CCSER1: variants seen among roughly 807,000 people sequenced by gnomAD.
CCSER1 encodes the protein serine-rich coiled-coil domain-containing protein 1.
In CCSER1, 41 loss-of-function variants were observed where a neutral mutation model predicts 82.0. The observed-to-expected ratio is 0.50, with a 90% confidence interval of 0.39 to 0.65. The LOEUF is 0.65. CCSER1 is among the 30% of genes least tolerant of loss of function. CCSER1 has a pLI of 0.00. For synonymous variants in CCSER1, 414 were observed against 383.9 expected (o/e 1.08, Z -0.92); for missense variants, 1,119 against 1,064.2 (o/e 1.05, Z -0.72).
intron 3 of CCSER1, among the ~76,000 whole-genome samples, chr4:90,327,196 A>G (rs1046520055): frequency 6.6e-6 from 1 of 152,188 alleles, no homozygotes; most frequent in Non-Finnish European, 1.5e-5. Flanking sequence ...TCAGGCAGCA[A>G]GTGGAAACTT....
chr4:90,491,293 G>A (rs967389098), intron 5 of CCSER1, among the ~76,000 whole-genome samples: 1 of 152,124 alleles, frequency 6.6e-6, no homozygotes, highest in African/African-American at 2.4e-5. Flanking sequence ...GTGAATGGGA[G>A]TTCACTCATG....
chr4:90,853,543 TG>T (rs1275282309), intron 8 of CCSER1, among the ~76,000 whole-genome samples: 13 of 152,306 alleles, frequency 8.5e-5, no homozygotes, highest in Middle Eastern at 3.4e-3. Context: ...TGGGTCATCT[TG>T]TGTTTTCTCT....
At position 91,025,624 on chromosome 4, in the gene CCSER1, T is replaced by C. The variant is rs1252489930; in HGVS notation, c.2173-60326T>C. Among the ~76,000 whole-genome samples, 6 of 152,230 alleles carry C rather than the reference T, an allele frequency of 3.9e-5. No individual in the cohort carries two copies. The East Asian group carries it at 1.2e-3, about 29-fold the overall frequency. On this transcript the variant is annotated intron_variant, in intron 9 of 10. Transcript: ENST00000509176. Reference sequence around the variant, plus strand: ...GCAAAGCTGAACCCCCTGAAACTTCTCTAATCAGTAAGAACTAGAACACTG... The same window carrying C: ...GCAAAGCTGAACCCCCTGAAACTTCCCTAATCAGTAAGAACTAGAACACTG...
chr4:90,762,740 G>A (rs913105168), intron 7 of CCSER1, among the ~76,000 whole-genome samples: 1 of 152,150 alleles, frequency 6.6e-6, no homozygotes, highest in African/African-American at 2.4e-5. Context: ...GTAGTGGGCT[G>A]AAAATGGTTC....
At chr4:90,529,753 T>A (rs1483188662) in intron 5 of CCSER1, among the ~76,000 whole-genome samples, 1 of 152,026 alleles carries the variant, frequency 6.6e-6, no homozygotes, top group African/African-American at 2.4e-5. Context: ...AAATTTTCAT[T>A]ACTTTTCAGC....
At chr4:90,567,344 G>A (rs1400669434) in intron 5 of CCSER1, among the ~76,000 whole-genome samples, 3 of 149,328 alleles carry the variant, frequency 2.0e-5, no homozygotes, top group African/African-American at 7.4e-5. Context: ...AGGCTGGAGC[G>A]CAGTGGCGCC....
At chr4:91,378,919 T>A (rs1320754738) in intron 10 of CCSER1, among the ~76,000 whole-genome samples, 1 of 152,270 alleles carries the variant, frequency 6.6e-6, no homozygotes, top group East Asian at 1.9e-4. Context: ...TTTTGAGATA[T>A]GTCCCATCAA....
rs117367412 is a variant in CCSER1 at position 91,385,526 on chromosome 4, A to G, written c.2218-213046A>G. 3.3e-5 allele frequency among the ~76,000 whole-genome samples: 5 copies of G among 152,110 alleles called. No individual in the cohort carries two copies. In the East Asian group the frequency reaches 9.6e-4, roughly 29 times the overall value. ...CTTTTAGATGGAGGTTAATGTTTAT[A>G]TATTTAAAAAATTTAAAGAGATAGG... On this transcript the variant is annotated intron_variant, in intron 10 of 10. Coordinates refer to ENST00000509176, the MANE Select transcript of CCSER1 (RefSeq NM_001145065.2).
At position 90,608,962 on chromosome 4, in the gene CCSER1, A is replaced by G. The variant is rs114705121; in HGVS notation, c.1725-19063A>G. On this transcript the variant is annotated intron_variant, in intron 5 of 10. Transcript: ENST00000509176. The stretch of plus-strand genomic sequence containing the variant: ...TTATGATTTTGTTGATTTTTTCTCT[A>G]TGGGATTCTCTCCCCATTTCAGCTC... 8.5e-3 allele frequency among the ~76,000 whole-genome samples: 1,290 copies of G among 152,044 alleles called. 21 individuals are homozygous for G. The highest frequency in any genetic ancestry group is 0.03 in the African/African-American group (1,232 of 41,490).
In CCSER1 at chr4:91,269,609, C is replaced by T. The variant is rs967982780; in HGVS notation, c.2217+183615C>T. 3.3e-5 allele frequency among the ~76,000 whole-genome samples: 5 copies of T among 152,122 alleles called. No homozygotes were observed. In the South Asian group the frequency reaches 1.0e-3, roughly 32 times the overall value. On this transcript the variant is annotated intron_variant, in intron 10 of 10. Transcript: ENST00000509176. ...ATTATATTAACTAAATCCTACATTT[C>T]CACATGTATATACCATGATGGGACC... is the stretch of plus-strand genomic sequence containing the variant.
At chr4:90,937,968 T>A (rs1731160514) in intron 9 of CCSER1, among the ~76,000 whole-genome samples, 1 of 152,186 alleles carries the variant, frequency 6.6e-6, no homozygotes, top group Non-Finnish European at 1.5e-5. Context: ...TGGCTCATCC[T>A]TTCATATATT....
At chr4:90,235,032 T>C (rs1745509843) in intron 1 of CCSER1, 2 of 152,192 alleles carry the variant, frequency 1.3e-5, no homozygotes, top group Non-Finnish European at 2.9e-5. Flanking sequence ...GCCATCTCTG[T>C]TACCATCGAG....
At chr4:90,631,361 A>G (rs1724388303) in intron 6 of CCSER1, among the ~76,000 whole-genome samples, 1 of 152,166 alleles carries the variant, frequency 6.6e-6, no homozygotes. Context: ...TTTGAAACCT[A>G]TGACTTAGTG....
At chr4:90,613,144 T>G (rs79257565) in intron 5 of CCSER1, among the ~76,000 whole-genome samples, 229 of 152,122 alleles carry the variant, frequency 1.5e-3, no homozygotes, top group African/African-American at 5.4e-3. Context: ...AGTTCTTTGA[T>G]ACAAGTCCCA....
Position 90,284,093 on chromosome 4 carries a change from T to C in CCSER1, c.-41-24151T>C, listed in dbSNP as rs540727370. On this transcript the variant is annotated intron_variant, in intron 1 of 10. Coordinates refer to ENST00000509176, the MANE Select transcript of CCSER1 (RefSeq NM_001145065.2). ...TATTAGTGATGTTGAGCAATTTTCA[T>C]ATACCAGTAGGCCATTTTAATGTCT... Among the ~76,000 whole-genome samples, 35 of 152,260 alleles carry C rather than the reference T, an allele frequency of 2.3e-4. 1 individual carries two copies. The South Asian group carries it at 7.3e-3, about 32-fold the overall frequency.
At chr4:90,308,212 T>C in intron 1 of CCSER1, 32 bp from the exon 2 acceptor site, 1 of 1,403,500 alleles carries the variant, frequency 7.1e-7, no homozygotes, top group Non-Finnish European at 9.4e-7. Context: ...TGAATTCTAT[T>C]GACTTGTTGT....
chr4:90,352,535 G>A (rs1448222259), intron 3 of CCSER1, among the ~76,000 whole-genome samples: 1 of 151,834 alleles, frequency 6.6e-6, no homozygotes, highest in Non-Finnish European at 1.5e-5. Flanking sequence ...GGTGGCAGGT[G>A]CCTGTAATCC....
rs140368543 is a variant in CCSER1 at position 90,857,549 on chromosome 4, C to T, written c.2094+41704C>T. ...AGCAGATTACCAAATACATTGCATA[C>T]ATGAGAAAGGAAAATTACATAAAGT... is the stretch of plus-strand genomic sequence containing the variant. On this transcript the variant is annotated intron_variant, in intron 8 of 10. Transcript: ENST00000509176. 6.3e-3 allele frequency among the ~76,000 whole-genome samples: 953 copies of T among 152,144 alleles called. 12 individuals are homozygous for T. Among genetic ancestry groups the T allele is most frequent in the African/African-American group, 0.022 (915 of 41,508 alleles).
intron 2 of CCSER1, among the ~76,000 whole-genome samples, chr4:90,312,615 A>G (rs934456148): frequency 1.3e-5 from 2 of 152,110 alleles, no homozygotes; most frequent in Admixed American, 1.3e-4. Context: ...GTTTGAAGGA[A>G]ATAAGGACAG....
Sources: allele counts gnomAD v4.1 joint callset (sites outside exome capture counted in the v4.1 genomes callset), GRCh38; gene constraint gnomAD v4.1.1; transcripts MANE v1.5; gene names NCBI Gene and HGNC (gene_info 2026-07-23, HGNC 2026-07-21).